The following TJP1 variants were observed in gnomAD, a reference collection of about 807,000 sequenced individuals.
TJP1 encodes tight junction protein ZO-1.
A neutral mutation model predicts 194.2 loss-of-function variants in TJP1; 43 were observed. That is an observed-to-expected ratio of 0.22 (90% confidence interval 0.17 to 0.29). TJP1 has a LOEUF of 0.29. TJP1 is among the 10% of genes least tolerant of loss of function. The pLI is 1.00. For missense variants in TJP1, 1,971 were observed against 2,185.7 expected (o/e 0.90, Z 1.96); for synonymous variants, 801 against 779.0 (o/e 1.03, Z -0.47).
chr15:29,729,698 T>C (rs568639646), intron 15 of TJP1, among the ~76,000 whole-genome samples: 1 of 151,876 alleles, frequency 6.6e-6, no homozygotes, highest in East Asian at 2.0e-4. Flanking sequence ...CGGGTGCCTG[T>C]AGTCCCAGCT....
chr15:29,860,630 T>C (rs1193331433), intron 2 of TJP1, among the ~76,000 whole-genome samples: 1 of 152,248 alleles, frequency 6.6e-6, no homozygotes, highest in Non-Finnish European at 1.5e-5. Flanking sequence ...GGGTGAACAA[T>C]AGTATGGATA....
At chr15:29,892,597 C>T (rs567923927) in intron 2 of TJP1, among the ~76,000 whole-genome samples, 5 of 152,298 alleles carry the variant, frequency 3.3e-5, no homozygotes, top group Admixed American at 1.3e-4. Flanking sequence ...GAAGCCAATG[C>T]TTATTTGTCA....
intron 2 of TJP1, among the ~76,000 whole-genome samples, chr15:29,868,614 A>T (rs1301571372): frequency 6.6e-6 from 1 of 152,336 alleles, no homozygotes; most frequent in East Asian, 1.9e-4. Flanking sequence ...AAAATAAACC[A>T]AGAGAATGAA....
In TJP1 at chr15:29,766,199, G is replaced by A. The variant is rs2046319503; in HGVS notation, c.589+67C>T. On this transcript the variant is annotated intron_variant, in intron 5 of 27. Coordinates refer to ENST00000614355, the MANE Select transcript of TJP1 (RefSeq NM_001330239.4). ...GCAAAGACATGAAGAGACAGCAACT[G>A]TACTTCTCATTAAAATTAGTTTTAA... The A allele has an allele frequency of 9.7e-6, 15 of 1,550,570 alleles. 1 individual carries two copies. Among genetic ancestry groups the A allele is most frequent in the African/African-American group, 1.4e-5 (1 of 73,202 alleles).
chr15:29,699,530 T>C (rs932016630), downstream of TJP1: 6 of 152,230 alleles, frequency 3.9e-5, no homozygotes, highest in Middle Eastern at 3.2e-3. Flanking sequence ...ATAAACAGTA[T>C]GTGTTTGTCA....
intron 2 of TJP1, among the ~76,000 whole-genome samples, chr15:29,789,418 A>G (rs1389519726): frequency 6.6e-6 from 1 of 152,204 alleles, no homozygotes; most frequent in African/African-American, 2.4e-5. Context: ...GAGAGATCAG[A>G]ATCCATGAGG....
At chr15:29,891,932 T>C (rs1027236766) in intron 2 of TJP1, among the ~76,000 whole-genome samples, 1 of 152,198 alleles carries the variant, frequency 6.6e-6, no homozygotes, top group African/African-American at 2.4e-5. Flanking sequence ...AGGGTTCAAG[T>C]AAAAGGTCCG....
At chr15:29,945,010 G>C (rs1225903966) in intron 2 of TJP1, among the ~76,000 whole-genome samples, 1 of 152,184 alleles carries the variant, frequency 6.6e-6, no homozygotes, top group East Asian at 1.9e-4. Context: ...TTTCTACCAG[G>C]AATTGTCATT....
exon 1 of TJP1, chr15:29,968,785 C>A: frequency 8.2e-7 from 1 of 1,215,642 alleles, no homozygotes; most frequent in South Asian, 1.3e-5. Context: ...CGCTCGCGGG[C>A]AGGGCCCCGC....
intron 4 of TJP1, among the ~76,000 whole-genome samples, chr15:29,771,804 C>CAAA (rs761453592): frequency 1.1e-5 from 1 of 90,714 alleles, no homozygotes; most frequent in Non-Finnish European, 2.2e-5. Flanking sequence ...GACTCCGTCT[C>CAAA]AAAAAAAAAA....
At chr15:29,745,220 G>A (rs1202310983) in intron 8 of TJP1, among the ~76,000 whole-genome samples, 1 of 149,222 alleles carries the variant, frequency 6.7e-6, no homozygotes, top group Non-Finnish European at 1.5e-5. Context: ...ACAGGACAGT[G>A]ATACCTGTGA....
intron 8 of TJP1, among the ~76,000 whole-genome samples, chr15:29,754,891 G>A (rs2045546738): frequency 1.3e-5 from 2 of 152,120 alleles, no homozygotes; most frequent in Admixed American, 1.3e-4. Context: ...AGCAATATGT[G>A]ACAGAAACTA....
At chr15:29,752,594 C>T (rs1243244960) in intron 8 of TJP1, among the ~76,000 whole-genome samples, 2 of 152,084 alleles carry the variant, frequency 1.3e-5, no homozygotes, top group Non-Finnish European at 2.9e-5. Context: ...CTCACAAAAG[C>T]ACACTGAAAA....
chr15:29,887,665 A>C (rs1051067433), intron 2 of TJP1, among the ~76,000 whole-genome samples: 1 of 152,226 alleles, frequency 6.6e-6, no homozygotes, highest in African/African-American at 2.4e-5. Flanking sequence ...AAATAATAGA[A>C]GAATCTAAAA....
intron 2 of TJP1, among the ~76,000 whole-genome samples, chr15:29,862,248 C>CA (rs1168164658): frequency 6.6e-6 from 1 of 151,718 alleles, no homozygotes; most frequent in African/African-American, 2.4e-5. Flanking sequence ...ATAATAACAA[C>CA]AAAAAAAGAA....
intron 1 of TJP1, among the ~76,000 whole-genome samples, chr15:29,961,975 CAG>C (rs1312233288): frequency 6.6e-6 from 1 of 152,168 alleles, no homozygotes; most frequent in East Asian, 1.9e-4. Context: ...CAAGGACATG[CAG>C]GAGAAAGATA....
chr15:29,819,944 T>C (rs1172867210), intron 1 of TJP1, among the ~76,000 whole-genome samples: 2 of 152,170 alleles, frequency 1.3e-5, no homozygotes, highest in African/African-American at 2.4e-5. Flanking sequence ...AATATATGTG[T>C]ACAGATATAA....
intron 2 of TJP1, among the ~76,000 whole-genome samples, chr15:29,939,042 T>C (rs546675426): frequency 6.6e-6 from 1 of 152,302 alleles, no homozygotes; most frequent in African/African-American, 2.4e-5. Flanking sequence ...AAAGGATACC[T>C]TTTTCCCAGG....
intron 15 of TJP1, 32 bp downstream of exon 15, chr15:29,732,401 A>G: frequency 6.3e-7 from 1 of 1,588,364 alleles, no homozygotes; most frequent in Admixed American, 1.7e-5. Context: ...GTAACTCCCA[A>G]CCTCATTTAA....
Sources: allele counts gnomAD v4.1 joint callset (sites outside exome capture counted in the v4.1 genomes callset), GRCh38; gene constraint gnomAD v4.1.1; transcripts MANE v1.5; gene names NCBI Gene and HGNC (gene_info 2026-07-23, HGNC 2026-07-21).